Variants in ZNF257 observed in about 807,000 individuals in gnomAD.
ZNF257 encodes bone marrow zinc finger 4.
ZNF257 carries 12 observed loss-of-function variants against 11.9 expected under a neutral mutation model. The ratio of observed to expected loss-of-function variants is 1.01; its 90% CI spans 0.65 to 1.63. The LOEUF (loss-of-function observed/expected upper bound fraction) is 1.63, where lower values mean the gene tolerates loss of function less well. Among genes scored for constraint, ZNF257 ranks in the 40% most tolerant of loss-of-function variants. ZNF257 has a pLI of 0.00. For missense variants in ZNF257, 580 were observed against 665.5 expected (o/e 0.87, Z 1.41); for synonymous variants, 183 against 222.7 (o/e 0.82, Z 1.59).
intron 1 of ZNF257, 86 bp from the exon 2 acceptor site, chr19:22,072,723 C>G: frequency 1.3e-6 from 2 of 1,496,478 alleles, no homozygotes; most frequent in Non-Finnish European, 1.8e-6. Flanking sequence ...TCTCTCTGCT[C>G]TTTAATTACA....
At chr19:22,067,874 A>C (rs1306771097) in intron 1 of ZNF257, among the ~76,000 whole-genome samples, 1 of 146,862 alleles carries the variant, frequency 6.8e-6, no homozygotes, top group African/African-American at 2.5e-5. Flanking sequence ...AAACACAATT[A>C]TGTCTCCCCC....
In ZNF257 at chr19:22,085,849, C is replaced by T. The variant is rs144361746; in HGVS notation, c.227-2128C>T. Among the ~76,000 whole-genome samples the T allele has an allele frequency of 2.6e-3, 395 of 152,106 alleles. 3 individuals carry two copies. Among genetic ancestry groups the T allele is most frequent in the African/African-American group, 9.0e-3 (374 of 41,476 alleles). Reference sequence around the variant, plus strand: ...AGTTTTTGACTTAAGATATAGCTTGCGTAATACTATTTTGACCTTTTCTGC... The same window carrying T: ...AGTTTTTGACTTAAGATATAGCTTGTGTAATACTATTTTGACCTTTTCTGC... On this transcript the variant is annotated intron_variant, in intron 3 of 3. Transcript: ENST00000594947.
At chr19:22,055,634 A>T (rs1471781112) in intron 1 of ZNF257, among the ~76,000 whole-genome samples, 1 of 152,154 alleles carries the variant, frequency 6.6e-6, no homozygotes, top group Non-Finnish European at 1.5e-5. Flanking sequence ...CTCCTGAGAG[A>T]GTGGTTATTG....
Position 22,091,062 on chromosome 19 carries a change from G to A in ZNF257, c.*1620G>A, listed in dbSNP as rs1257919952. On this transcript the variant is annotated 3_prime_UTR_variant, in exon 4 of 4. Coordinates refer to ENST00000594947, the MANE Select transcript of ZNF257 (RefSeq NM_033468.4). ...ATTAAAATAGTACCATATAATGTTAGTGATTGTACTTTTATTTAATAAAAT... is the reference window on the plus strand; with the variant it reads ...ATTAAAATAGTACCATATAATGTTAATGATTGTACTTTTATTTAATAAAAT... The A allele has an allele frequency of 6.6e-6, 1 of 152,098 alleles. No homozygotes were observed. Among genetic ancestry groups the A allele is most frequent in the African/African-American group, 2.4e-5 (1 of 41,384 alleles). 9.4% of individuals were successfully genotyped at this position (152,098 alleles called of 1,614,324 possible). A position where few individuals can be genotyped will look rare whatever the true frequency, so the allele number is the denominator to read the frequency against.
chr19:22,065,020 C>T (rs2021905788), intron 1 of ZNF257, among the ~76,000 whole-genome samples: 1 of 150,216 alleles, frequency 6.7e-6, no homozygotes, highest in Admixed American at 6.6e-5. Context: ...CGCCATTGCA[C>T]TCCAGCCTGG....
chr19:22,086,911 A>G (rs2022489074), intron 3 of ZNF257, among the ~76,000 whole-genome samples: 1 of 151,394 alleles, frequency 6.6e-6, no homozygotes, highest in African/African-American at 2.4e-5. Flanking sequence ...AATATCTTGT[A>G]TGTGTATTTT....
At position 22,088,508 on chromosome 19, in the gene ZNF257, G is replaced by C. The variant is rs779891883; in HGVS notation, c.758G>C (p.Arg253Thr). 3 of 1,611,796 alleles carry C rather than the reference G, an allele frequency of 1.9e-6. No homozygotes were observed. The Admixed American group carries it at 5.0e-5, about 27-fold the overall frequency. Residue 253 changes from arginine (R) to threonine (T), a missense_variant, in exon 4 of 4, where the codon AGA becomes ACA. By Grantham distance (71) the Arg-to-Thr change is moderately conservative. Coordinates refer to ENST00000594947, the MANE Select transcript of ZNF257 (RefSeq NM_033468.4). ...HLTQHKVIHT[R>T]EKPYKCEECG... ...ACTCAACATAAGGTAATTCATACTAGAGAGAAACCCTACAAATGTGAAGAG... is the reference window on the plus strand; with the variant it reads ...ACTCAACATAAGGTAATTCATACTACAGAGAAACCCTACAAATGTGAAGAG...
At chr19:22,072,993 T>TG in intron 2 of ZNF257, 58 bp downstream of exon 2, 1 of 1,403,794 alleles carries the variant, frequency 7.1e-7, no homozygotes, top group Non-Finnish European at 9.3e-7. Context: ...ATTTTTTATT[T>TG]ATTTTTTTTT....
In ZNF257 at chr19:22,073,536, G is replaced by A; in HGVS notation, c.198G>A (p.Lys66=). The A allele has an allele frequency of 6.2e-7, 1 of 1,612,084 alleles. No individual in the cohort carries two copies. The highest frequency in any genetic ancestry group is 8.5e-7 in the Non-Finnish European group (1 of 1,179,122). Residue 66 remains lysine (K), a synonymous_variant, in exon 3 of 4, where the codon AAG becomes AAA. Transcript: ENST00000594947. The part of the protein sequence containing the change: ...LEQGKEPCNM[K]RHEMVAKPPV... ...AAGGAAAAGAGCCCTGTAATATGAA[G>A]AGACATGAGATGGTAGCCAAACCCC...
intron 1 of ZNF257, among the ~76,000 whole-genome samples, chr19:22,055,039 T>C (rs2021593074): frequency 6.6e-6 from 1 of 151,866 alleles, no homozygotes; most frequent in African/African-American, 2.4e-5. Context: ...TTCGAAGATA[T>C]TAAGATTGTC....
At chr19:22,084,029 A>G (rs1275879238) in intron 3 of ZNF257, among the ~76,000 whole-genome samples, 1 of 151,822 alleles carries the variant, frequency 6.6e-6, no homozygotes, top group Non-Finnish European at 1.5e-5. Flanking sequence ...AATCCTAGCT[A>G]TTCGGGGGGC....
At chr19:22,052,841 C>T (rs953344844) in intron 1 of ZNF257, among the ~76,000 whole-genome samples, 1 of 152,062 alleles carries the variant, frequency 6.6e-6, no homozygotes, top group Non-Finnish European at 1.5e-5. Flanking sequence ...CTGTCTCTTC[C>T]CTGCGCAGTG....
chr19:22,059,683 T>G (rs2021742411), intron 1 of ZNF257, among the ~76,000 whole-genome samples: 1 of 150,942 alleles, frequency 6.6e-6, no homozygotes, highest in Non-Finnish European at 1.5e-5. Flanking sequence ...TATTCCATGA[T>G]GCTTATGTAC....
At chr19:22,081,877 G>A (rs191540783) in intron 3 of ZNF257, among the ~76,000 whole-genome samples, 1 of 152,024 alleles carries the variant, frequency 6.6e-6, no homozygotes. Context: ...TCTATTACCA[G>A]TTTTATTGTT....
At chr19:22,077,074 G>A (rs2022243020) in intron 3 of ZNF257, among the ~76,000 whole-genome samples, 1 of 152,144 alleles carries the variant, frequency 6.6e-6, no homozygotes, top group African/African-American at 2.4e-5. Context: ...AGGATTTTGG[G>A]AGACCAAGAC....
chr19:22,077,120 C>T (rs976637643), intron 3 of ZNF257, among the ~76,000 whole-genome samples: 1 of 152,042 alleles, frequency 6.6e-6, no homozygotes, highest in Non-Finnish European at 1.5e-5. Context: ...TTGAGACCAG[C>T]CTGGGCAGCA....
rs766105689 is a variant in ZNF257, at chr19:22,088,564, A to G, written c.814A>G (p.Ile272Val). 6.9e-6 allele frequency: 11 copies of G among 1,598,708 alleles called. 1 individual carries two copies. The highest frequency in any genetic ancestry group is 2.2e-5 in the South Asian group (2 of 90,320). ...CGKAFNRSSH[I>V]TQHKRIHNRE... ...CAAAGCCTTTAACCGGTCTTCACAC[A>G]TTACTCAACATAAGAGAATTCATAA... The change falls in exon 4 of 4, where the codon ATT becomes GTT. Residue 272 changes from isoleucine to valine, a missense_variant. By Grantham distance (29) the Ile-to-Val change is conservative. Coordinates refer to ENST00000594947, the MANE Select transcript of ZNF257 (RefSeq NM_033468.4).
intron 3 of ZNF257, among the ~76,000 whole-genome samples, chr19:22,086,092 A>T (rs1361445466): frequency 6.6e-6 from 1 of 151,948 alleles, no homozygotes; most frequent in Non-Finnish European, 1.5e-5. Flanking sequence ...TTTATTAATT[A>T]TTTTATTTGA....
intron 3 of ZNF257, among the ~76,000 whole-genome samples, chr19:22,084,734 G>GA: frequency 8.0e-6 from 1 of 125,264 alleles, no homozygotes; most frequent in Non-Finnish European, 1.6e-5. Context: ...TAAAATTTTA[G>GA]GGTTTTTTTT....
Sources: allele counts gnomAD v4.1 joint callset (sites outside exome capture counted in the v4.1 genomes callset), GRCh38; gene constraint gnomAD v4.1.1; transcripts MANE v1.5; gene names NCBI Gene and HGNC (gene_info 2026-07-23, HGNC 2026-07-21).